TRAPPC9: variants seen among roughly 807,000 people sequenced by gnomAD.
TRAPPC9 encodes IKK2 binding protein.
Under a neutral mutation model 124.0 loss-of-function variants are expected in TRAPPC9, and 83 were observed. That is an observed-to-expected ratio of 0.67 (90% confidence interval 0.56 to 0.80). The LOEUF (loss-of-function observed/expected upper bound fraction) is 0.80, where lower values mean the gene tolerates loss of function less well. TRAPPC9 is among the 30% of genes least tolerant of loss of function. The pLI is 0.00. For missense variants in TRAPPC9, 1,302 were observed against 1,508.3 expected (o/e 0.86, Z 2.27); for synonymous variants, 638 against 617.5 (o/e 1.03, Z -0.49).
intron 12 of TRAPPC9, among the ~76,000 whole-genome samples, chr8:140,289,477 T>A (rs2065587472): frequency 1.3e-5 from 2 of 152,168 alleles, no homozygotes; most frequent in African/African-American, 4.8e-5. Flanking sequence ...TTTTTAAATG[T>A]GAATGGTGGA....
At chr8:140,271,099 T>C (rs988310272) in intron 15 of TRAPPC9, among the ~76,000 whole-genome samples, 5 of 152,250 alleles carry the variant, frequency 3.3e-5, no homozygotes, top group African/African-American at 9.6e-5. Context: ...GTTTGCCACG[T>C]AGACTGTAAT....
rs61528944 is a variant in TRAPPC9, at chr8:139,945,543, C to CA, written c.2811-35244dup. Among the ~76,000 whole-genome samples, 171 of 66,170 alleles carry CA rather than the reference C, an allele frequency of 2.6e-3. 2 individuals carry two copies. The highest frequency in any genetic ancestry group is 6.3e-3 in the African/African-American group (91 of 14,446). The allele number at this position is 66,170 out of a possible 152,430, so 43.4% of individuals were successfully genotyped here. On this transcript the variant is annotated intron_variant, in intron 19 of 22. Transcript: ENST00000438773. Reference sequence around the variant, plus strand: ...TCTCCACAATTGACAGCACAATTAGCAAAAAAAAAAAAAAAAAAAAAAAAA... The same window carrying CA: ...TCTCCACAATTGACAGCACAATTAGCAAAAAAAAAAAAAAAAAAAAAAAAAA...
chr8:140,080,967 C>T (rs1843780777), intron 17 of TRAPPC9, among the ~76,000 whole-genome samples: 1 of 152,194 alleles, frequency 6.6e-6, no homozygotes, highest in South Asian at 2.1e-4. Flanking sequence ...GAAGGTGTTG[C>T]CATAGCCCAT....
intron 9 of TRAPPC9, among the ~76,000 whole-genome samples, chr8:140,320,744 G>A (rs1019394842): frequency 6.6e-6 from 1 of 152,114 alleles, no homozygotes; most frequent in African/African-American, 2.4e-5. Context: ...TTTTATTACT[G>A]GCATACTTGA....
At chr8:140,141,870 G>A (rs1305083285) in intron 17 of TRAPPC9, among the ~76,000 whole-genome samples, 1 of 152,182 alleles carries the variant, frequency 6.6e-6, no homozygotes, top group Non-Finnish European at 1.5e-5. Context: ...TAGTAGTGCT[G>A]CCCACTCATT....
intron 16 of TRAPPC9, among the ~76,000 whole-genome samples, chr8:140,228,916 G>A (rs1184803975): frequency 2.0e-5 from 3 of 152,158 alleles, no homozygotes; most frequent in Non-Finnish European, 2.9e-5. Context: ...AATGAATAAC[G>A]ATTAGACCAG....
At chr8:139,740,189 C>T (rs770272940) in intron 21 of TRAPPC9, among the ~76,000 whole-genome samples, 7 of 152,230 alleles carry the variant, frequency 4.6e-5, no homozygotes, top group Admixed American at 2.0e-4. Flanking sequence ...GGCGTCACAT[C>T]GGCACCGGCC....
chr8:140,446,574 A>G (rs1332197609), intron 2 of TRAPPC9, among the ~76,000 whole-genome samples: 1 of 151,688 alleles, frequency 6.6e-6, no homozygotes, highest in Non-Finnish European at 1.5e-5. Flanking sequence ...TTATTTTGAG[A>G]TGGAGTTTCG....
intron 16 of TRAPPC9, among the ~76,000 whole-genome samples, chr8:140,249,674 G>C (rs955281919): frequency 6.9e-6 from 1 of 145,644 alleles, no homozygotes; most frequent in Middle Eastern, 3.6e-3. Context: ...CGCGATCTCG[G>C]CTCACTGCAA....
chr8:140,025,826 T>C (rs936625173), intron 17 of TRAPPC9, among the ~76,000 whole-genome samples: 40 of 152,332 alleles, frequency 2.6e-4, no homozygotes, highest in African/African-American at 9.4e-4. Flanking sequence ...TTTATATTCT[T>C]GTAATGTGGC....
intron 19 of TRAPPC9, among the ~76,000 whole-genome samples, chr8:139,965,289 C>G (rs1445779182): frequency 6.6e-6 from 1 of 152,214 alleles, no homozygotes; most frequent in African/African-American, 2.4e-5. Flanking sequence ...GAAATGTGCC[C>G]TCTATAACTT....
chr8:139,829,746 G>A (rs543561401), intron 21 of TRAPPC9, among the ~76,000 whole-genome samples: 3 of 152,346 alleles, frequency 2.0e-5, no homozygotes, highest in East Asian at 3.9e-4. Flanking sequence ...GGTAAGGGAC[G>A]AAAAATGCAG....
chr8:140,019,606 G>T (rs1373428309), intron 18 of TRAPPC9, among the ~76,000 whole-genome samples: 1 of 128,322 alleles, frequency 7.8e-6, no homozygotes, highest in Non-Finnish European at 1.6e-5. Flanking sequence ...AGGCTGGAGT[G>T]CAGTGGTGCA....
intron 21 of TRAPPC9, among the ~76,000 whole-genome samples, chr8:139,801,179 A>C (rs1425867457): frequency 1.3e-5 from 2 of 152,174 alleles, no homozygotes; most frequent in Non-Finnish European, 2.9e-5. Flanking sequence ...CACAGGGACA[A>C]GTGTGAGGTG....
At chr8:139,782,442 A>G (rs985956725) in intron 21 of TRAPPC9, among the ~76,000 whole-genome samples, 1 of 152,268 alleles carries the variant, frequency 6.6e-6, no homozygotes, top group East Asian at 1.9e-4. Context: ...GGCTATATTA[A>G]CATCATAGCA....
chr8:139,953,385 C>T (rs1053386211), intron 19 of TRAPPC9, among the ~76,000 whole-genome samples: 4 of 152,130 alleles, frequency 2.6e-5, no homozygotes, highest in Non-Finnish European at 5.9e-5. Flanking sequence ...CTCAGCTACT[C>T]AGGAGGCTGA....
In TRAPPC9 at chr8:140,426,608, C is replaced by A. The variant is rs186507866; in HGVS notation, c.886+7G>T. On this transcript the variant is annotated splice_region_variant and intron_variant, in intron 5 of 22. Coordinates refer to ENST00000438773, the MANE Select transcript of TRAPPC9 (RefSeq NM_001160372.4). Reference sequence around the variant, plus strand: ...ACCAAAAGAAACTAAACACATAGATCATGTACCTGGATCAATGAGAACTTC... The same window carrying A: ...ACCAAAAGAAACTAAACACATAGATAATGTACCTGGATCAATGAGAACTTC... The A allele has an allele frequency of 6.2e-6, 10 of 1,613,644 alleles. No homozygotes were observed. The African/African-American group carries it at 9.3e-5, about 15-fold the overall frequency.
chr8:139,972,356 CT>C (rs1836157771), intron 19 of TRAPPC9, among the ~76,000 whole-genome samples: 2 of 152,164 alleles, frequency 1.3e-5, no homozygotes, highest in African/African-American at 4.8e-5. Flanking sequence ...ACATTTGATA[CT>C]TGTTTTTACC....
chr8:140,003,802 A>G (rs192797100), intron 18 of TRAPPC9, among the ~76,000 whole-genome samples: 1 of 152,338 alleles, frequency 6.6e-6, no homozygotes, highest in African/African-American at 2.4e-5. Flanking sequence ...ACAAAGTTGA[A>G]TAGTGAAAAA....
Sources: allele counts gnomAD v4.1 joint callset (sites outside exome capture counted in the v4.1 genomes callset), GRCh38; gene constraint gnomAD v4.1.1; transcripts MANE v1.5; gene names NCBI Gene and HGNC (gene_info 2026-07-23, HGNC 2026-07-21).